The following IMMP2L variants were observed in gnomAD, a reference collection of about 807,000 sequenced individuals.
IMMP2L encodes mitochondrial inner membrane protease subunit 2.
In IMMP2L, 18 loss-of-function variants were observed where a neutral mutation model predicts 19.3. That is an observed-to-expected ratio of 0.93 (90% CI 0.64 to 1.38). IMMP2L has a LOEUF of 1.38. IMMP2L is among the 40% of genes most tolerant of loss of function. The pLI, the probability that IMMP2L is intolerant of heterozygous loss-of-function variation, is 0.00. For synonymous variants in IMMP2L, 76 were observed against 73.0 expected (o/e 1.04, Z -0.21); for missense variants, 233 against 218.2 (o/e 1.07, Z -0.43).
intron 5 of IMMP2L, among the ~76,000 whole-genome samples, chr7:110,778,459 G>GT (rs1322131405): frequency 6.6e-6 from 1 of 151,924 alleles, no homozygotes; most frequent in African/African-American, 2.4e-5. Context: ...TACTTCTGTT[G>GT]TAAGTTAGTG....
At chr7:111,460,939 TTTGC>T (rs2132005742) in intron 3 of IMMP2L, among the ~76,000 whole-genome samples, 1 of 152,232 alleles carries the variant, frequency 6.6e-6, no homozygotes, top group East Asian at 1.9e-4. Flanking sequence ...AAGCCATGTT[TTTGC>T]TTGCTTATTT....
intron 5 of IMMP2L, among the ~76,000 whole-genome samples, chr7:110,770,978 T>G (rs748137068): frequency 6.6e-6 from 1 of 152,108 alleles, no homozygotes; most frequent in Non-Finnish European, 1.5e-5. Context: ...TGTGCTGTAC[T>G]CACAGGGTCT....
Position 111,071,282 on chromosome 7 carries a change from C to G in IMMP2L, c.240-107717G>C, listed in dbSNP as rs529056468. On this transcript the variant is annotated intron_variant, in intron 3 of 5. Coordinates refer to ENST00000405709, the MANE Select transcript of IMMP2L (RefSeq NM_032549.4). ...GAAGAAATGTAACCCTCATACATAG[C>G]TGGTGGGAATGTAAACTGGTGCAGC... Among the ~76,000 whole-genome samples the G allele has an allele frequency of 9.2e-5, 14 of 152,160 alleles. No homozygotes were observed. In the South Asian group the frequency reaches 2.9e-3, roughly 32 times the overall value.
chr7:111,432,376 T>TG (rs35956451), intron 3 of IMMP2L, among the ~76,000 whole-genome samples: 2 of 151,870 alleles, frequency 1.3e-5, no homozygotes, highest in East Asian at 3.9e-4. Context: ...CATGATCAGG[T>TG]GGGATTTATC....
intron 4 of IMMP2L, among the ~76,000 whole-genome samples, chr7:110,918,705 C>T (rs879800504): frequency 5.3e-5 from 8 of 152,020 alleles, no homozygotes; most frequent in African/African-American, 1.9e-4. Flanking sequence ...CTGCCCACCT[C>T]GCCCTCTCAA....
intron 2 of IMMP2L, among the ~76,000 whole-genome samples, chr7:111,491,860 G>A (rs1003966509): frequency 6.6e-6 from 1 of 151,852 alleles, no homozygotes; most frequent in Non-Finnish European, 1.5e-5. Context: ...ACCATAAAGA[G>A]AAAATATTCC....
chr7:111,475,166 T>C (rs1303703898), intron 3 of IMMP2L, among the ~76,000 whole-genome samples: 1 of 152,138 alleles, frequency 6.6e-6, no homozygotes, highest in Admixed American at 6.6e-5. Context: ...AACCTCTGAG[T>C]ATGAGTAAAC....
At chr7:111,133,293 A>G (rs1242656299) in intron 3 of IMMP2L, among the ~76,000 whole-genome samples, 1 of 152,052 alleles carries the variant, frequency 6.6e-6, no homozygotes, top group African/African-American at 2.4e-5. Flanking sequence ...TGATAGGCAG[A>G]GGGACGATTA....
chr7:111,140,140 CAG>C (rs1412708773), intron 3 of IMMP2L, among the ~76,000 whole-genome samples: 1 of 151,996 alleles, frequency 6.6e-6, no homozygotes, highest in Non-Finnish European at 1.5e-5. Flanking sequence ...AAAAAAGAGA[CAG>C]AGAAAAGACA....
At chr7:111,401,306 G>C (rs1240160092) in intron 3 of IMMP2L, among the ~76,000 whole-genome samples, 1 of 152,096 alleles carries the variant, frequency 6.6e-6, no homozygotes, top group East Asian at 1.9e-4. Context: ...CCTATTCTAA[G>C]TGTTATGGGG....
At chr7:110,907,704 A>C (rs935322432) in intron 4 of IMMP2L, among the ~76,000 whole-genome samples, 11 of 152,208 alleles carry the variant, frequency 7.2e-5, no homozygotes, top group African/African-American at 1.2e-4. Flanking sequence ...ATGAGTTCAT[A>C]TATAAAAAAT....
intron 5 of IMMP2L, among the ~76,000 whole-genome samples, chr7:110,831,486 C>T (rs898512004): frequency 8.5e-5 from 13 of 152,106 alleles, no homozygotes; most frequent in African/African-American, 2.4e-4. Context: ...ATTCTTTCTA[C>T]CATATGGTAA....
At chr7:110,676,239 G>C (rs1305092286) in intron 5 of IMMP2L, among the ~76,000 whole-genome samples, 1 of 152,214 alleles carries the variant, frequency 6.6e-6, no homozygotes, top group Non-Finnish European at 1.5e-5. Flanking sequence ...TAAAGGATCA[G>C]ACAGTAAATA....
Position 110,766,814 on chromosome 7 carries a change from C to A in IMMP2L, c.409-103093G>T, listed in dbSNP as rs111255753. On this transcript the variant is annotated intron_variant, in intron 5 of 5. Coordinates refer to ENST00000405709, the MANE Select transcript of IMMP2L (RefSeq NM_032549.4). Reference sequence around the variant, plus strand: ...GGTCTCTCTACACAGAAGGCAGAAACGTAACTGATTAGAGATTCTGATGAA... The same window carrying A: ...GGTCTCTCTACACAGAAGGCAGAAAAGTAACTGATTAGAGATTCTGATGAA... Among the ~76,000 whole-genome samples, 381 of 152,082 alleles carry A rather than the reference C, an allele frequency of 2.5e-3. 4 individuals are homozygous for A. The highest frequency in any genetic ancestry group is 8.6e-3 in the African/African-American group (358 of 41,504).
At chr7:111,433,825 C>A (rs1026308419) in intron 3 of IMMP2L, among the ~76,000 whole-genome samples, 1 of 151,660 alleles carries the variant, frequency 6.6e-6, no homozygotes, top group Non-Finnish European at 1.5e-5. Flanking sequence ...AATCCCATAA[C>A]CATAGAATGG....
intron 3 of IMMP2L, among the ~76,000 whole-genome samples, chr7:111,446,542 C>T (rs907945754): frequency 6.6e-5 from 10 of 151,294 alleles, no homozygotes; most frequent in East Asian, 1.9e-4. Flanking sequence ...ACATCCACAC[C>T]GAAAACCCAT....
intron 3 of IMMP2L, among the ~76,000 whole-genome samples, chr7:111,253,027 T>G (rs995485131): frequency 2.0e-5 from 3 of 152,172 alleles, no homozygotes; most frequent in East Asian, 1.9e-4. Flanking sequence ...TGCCTACGCT[T>G]CTTCTAATTT....
chr7:111,378,952 TA>T (rs1830942912), intron 3 of IMMP2L, among the ~76,000 whole-genome samples: 2 of 151,804 alleles, frequency 1.3e-5, no homozygotes, highest in Non-Finnish European at 2.9e-5. Context: ...TCCATAAGAA[TA>T]CAAGATAATT....
chr7:110,780,306 G>C (rs1362708716), intron 5 of IMMP2L, among the ~76,000 whole-genome samples: 1 of 150,750 alleles, frequency 6.6e-6, no homozygotes, highest in Non-Finnish European at 1.5e-5. Context: ...ATACTAGATA[G>C]AAAAAGGTTT....
Sources: gnomAD v4.1 joint callset for allele counts (sites outside exome capture counted in the v4.1 genomes callset) on GRCh38, gnomAD v4.1.1 for gene constraint, MANE v1.5 for transcripts, NCBI Gene and HGNC (gene_info 2026-07-23, HGNC 2026-07-21) for gene names.